Variants in SNTG2 observed in about 807,000 individuals in gnomAD.
The protein encoded by SNTG2 is gamma-2-syntrophin.
In SNTG2, 74 loss-of-function variants were observed where a neutral mutation model predicts 70.9. The observed-to-expected ratio is 1.04, with a 90% CI of 0.86 to 1.27. SNTG2 has a LOEUF of 1.27. Among genes scored for constraint, SNTG2 ranks in the 50% most tolerant of loss-of-function variants. The pLI, the probability that SNTG2 is intolerant of heterozygous loss-of-function variation, is 0.00. For missense variants in SNTG2, 717 were observed against 690.7 expected (o/e 1.04, Z -0.43); for synonymous variants, 278 against 273.8 (o/e 1.02, Z -0.15).
intron 8 of SNTG2, among the ~76,000 whole-genome samples, chr2:1,198,242 C>T (rs1292204957): frequency 1.3e-5 from 2 of 151,566 alleles, no homozygotes; most frequent in Admixed American, 6.6e-5. Flanking sequence ...AACTACATGC[C>T]CCTGAACAAC....
chr2:1,294,616 C>G (rs1680124943), intron 14 of SNTG2, among the ~76,000 whole-genome samples: 1 of 152,222 alleles, frequency 6.6e-6, no homozygotes, highest in Non-Finnish European at 1.5e-5. Flanking sequence ...TCTGCTACTT[C>G]TTCATGTAAA....
chr2:1,150,958 C>T (rs957649540), intron 6 of SNTG2, among the ~76,000 whole-genome samples: 26 of 152,190 alleles, frequency 1.7e-4, no homozygotes, highest in African/African-American at 6.0e-4. Context: ...CTCACCTGTG[C>T]TGTCCCTGGT....
chr2:1,187,090 A>G (rs1480078973), intron 8 of SNTG2, among the ~76,000 whole-genome samples: 2 of 152,230 alleles, frequency 1.3e-5, no homozygotes, highest in Non-Finnish European at 2.9e-5. Context: ...ACCATGTGCT[A>G]CTTGAAAGGA....
At chr2:1,285,644 CAAAA>C (rs1434448321) in intron 14 of SNTG2, among the ~76,000 whole-genome samples, 1 of 152,182 alleles carries the variant, frequency 6.6e-6, no homozygotes, top group African/African-American at 2.4e-5. Context: ...ATGTTTTTAA[CAAAA>C]GAAGGAGGAA....
intron 14 of SNTG2, among the ~76,000 whole-genome samples, chr2:1,283,834 C>T (rs1679659011): frequency 6.6e-6 from 1 of 152,178 alleles, no homozygotes; most frequent in Non-Finnish European, 1.5e-5. Context: ...GCATGGATAA[C>T]TACCTGGGGA....
intron 9 of SNTG2, among the ~76,000 whole-genome samples, chr2:1,217,928 G>A (rs1412426283): frequency 2.6e-5 from 4 of 151,918 alleles, no homozygotes; most frequent in Non-Finnish European, 4.4e-5. Context: ...GGCAGCTCCC[G>A]GCTGGTCCTC....
At chr2:1,041,479 A>T (rs1197111705) in intron 1 of SNTG2, among the ~76,000 whole-genome samples, 2 of 152,134 alleles carry the variant, frequency 1.3e-5, no homozygotes, top group Non-Finnish European at 2.9e-5. Flanking sequence ...GTCCCTGCCA[A>T]ATCTCAAGTT....
At chr2:1,198,709 G>A (rs866681932) in intron 8 of SNTG2, among the ~76,000 whole-genome samples, 5 of 152,002 alleles carry the variant, frequency 3.3e-5, no homozygotes, top group African/African-American at 2.4e-5. Context: ...AGATTTTGAA[G>A]CAGAAATTCC....
In SNTG2 at chr2:1,014,327, T is replaced by A. The variant is rs1273844990; in HGVS notation, c.72+63259T>A. ...AGGGTGGTCTGTAGAGGGATTTATA[T>A]GGGCAGAGAGAAGGGTGGTCTGGAG... On this transcript the variant is annotated intron_variant, in intron 1 of 16. Coordinates refer to ENST00000308624, the MANE Select transcript of SNTG2 (RefSeq NM_018968.4). 5.5e-4 allele frequency among the ~76,000 whole-genome samples: 37 copies of A among 67,560 alleles called. 2 individuals carry two copies. Among genetic ancestry groups the A allele is most frequent in the Non-Finnish European group, 7.6e-4 (23 of 30,068 alleles). 44.3% of individuals were successfully genotyped at this position (67,560 alleles called of 152,430 possible).
chr2:983,600 C>A (rs1661205435), intron 1 of SNTG2, among the ~76,000 whole-genome samples: 1 of 152,254 alleles, frequency 6.6e-6, no homozygotes, highest in Admixed American at 6.5e-5. Flanking sequence ...CTCCAGCCCA[C>A]CTGCCCTTCT....
intron 1 of SNTG2, among the ~76,000 whole-genome samples, chr2:969,650 T>A (rs1277156107): frequency 6.6e-6 from 1 of 152,228 alleles, no homozygotes; most frequent in Non-Finnish European, 1.5e-5. Flanking sequence ...GCTTCTTGAT[T>A]TGGCACTTGC....
rs183577740 is a variant in SNTG2, at chr2:1,038,152, T to C, written c.73-45366T>C. 3.0e-4 allele frequency among the ~76,000 whole-genome samples: 45 copies of C among 152,332 alleles called. No individual in the cohort carries two copies. In the East Asian group the frequency reaches 8.5e-3, roughly 29 times the overall value. On this transcript the variant is annotated intron_variant, in intron 1 of 16. Transcript: ENST00000308624. The stretch of plus-strand genomic sequence containing the variant: ...GTCAGAGGTGTTTGCTTAACTTTGG[T>C]TCTACTTGATCATCTTTACAAATAA...
chr2:1,209,366 G>C, intron 9 of SNTG2, 136 bp downstream of exon 9: 1 of 1,087,110 alleles, frequency 9.2e-7, no homozygotes. Flanking sequence ...GGTAGATTTA[G>C]CATTTGGAAT....
intron 1 of SNTG2, among the ~76,000 whole-genome samples, chr2:1,005,879 G>A (rs1362410450): frequency 6.2e-5 from 5 of 81,252 alleles, no homozygotes; most frequent in African/African-American, 2.4e-4. Flanking sequence ...ATATATAAAC[G>A]TTGACATTGC....
At chr2:969,714 T>C (rs570948067) in intron 1 of SNTG2, among the ~76,000 whole-genome samples, 2 of 152,366 alleles carry the variant, frequency 1.3e-5, no homozygotes, top group East Asian at 3.9e-4. Context: ...ATTCATTTTA[T>C]ATCCTGAAAC....
rs559734995 is a variant in SNTG2, at chr2:1,293,403, G to A, written c.1285-15091G>A. Among the ~76,000 whole-genome samples the A allele has an allele frequency of 2.7e-3, 410 of 151,290 alleles. 3 individuals carry two copies. The highest frequency in any genetic ancestry group is 4.5e-3 in the Non-Finnish European group (305 of 67,802). ...ATTTCCTTCCTTCTTCTAGATTTGC[G>A]TTTAGCGTGTTTTTCTTTTTTCTAG... On this transcript the variant is annotated intron_variant, in intron 14 of 16. Coordinates refer to ENST00000308624, the MANE Select transcript of SNTG2 (RefSeq NM_018968.4).
intron 1 of SNTG2, among the ~76,000 whole-genome samples, chr2:965,888 C>T (rs1417103356): frequency 5.9e-5 from 9 of 152,154 alleles, no homozygotes; most frequent in East Asian, 5.8e-4. Flanking sequence ...AGTCAAGGGC[C>T]GCCTTGGCCT....
intron 1 of SNTG2, among the ~76,000 whole-genome samples, chr2:967,381 A>G (rs758040237): frequency 1.3e-5 from 2 of 152,140 alleles, no homozygotes; most frequent in Admixed American, 6.5e-5. Context: ...TTTTTGGTTG[A>G]TGAAGTTCCC....
chr2:1,158,009 C>T lies in SNTG2; in HGVS notation c.412-7539C>T, dbSNP rs145034359. Among the ~76,000 whole-genome samples, 39 of 152,280 alleles carry T rather than the reference C, an allele frequency of 2.6e-4. No individual in the cohort carries two copies. The East Asian group carries it at 6.8e-3, about 26-fold the overall frequency. Reference sequence around the variant, plus strand: ...CCTTGGCCGGCCGGCAGGTTTGGTACGGGGCATCCTGTAGACATGCCTAGC... The same window carrying T: ...CCTTGGCCGGCCGGCAGGTTTGGTATGGGGCATCCTGTAGACATGCCTAGC... On this transcript the variant is annotated intron_variant, in intron 6 of 16. Transcript: ENST00000308624.
Sources: allele counts gnomAD v4.1 joint callset (sites outside exome capture counted in the v4.1 genomes callset), GRCh38; gene constraint gnomAD v4.1.1; transcripts MANE v1.5; gene names NCBI Gene and HGNC (gene_info 2026-07-23, HGNC 2026-07-21).